Variants in SLC25A48 observed in about 807,000 individuals in gnomAD.
The protein encoded by SLC25A48 is solute carrier family 25 member 48.
Under a neutral mutation model 32.2 loss-of-function variants are expected in SLC25A48, and 29 were observed. The ratio of observed to expected loss-of-function variants is 0.90; its 90% confidence interval spans 0.67 to 1.23. The LOEUF (loss-of-function observed/expected upper bound fraction) is 1.23, where lower values mean the gene tolerates loss of function less well. Among genes scored for constraint, SLC25A48 ranks in the 50% most tolerant of loss-of-function variants. The pLI is 0.00. For missense variants in SLC25A48, 399 were observed against 422.7 expected, an observed-to-expected ratio of 0.94 and a Z score of 0.49; for synonymous variants, 164 against 172.3, an observed-to-expected ratio of 0.95 and a Z score of 0.38.
At chr5:135,760,126 C>T (rs1011127572) in intron 3 of SLC25A48, among the ~76,000 whole-genome samples, 9 of 152,258 alleles carry the variant, frequency 5.9e-5, no homozygotes, top group East Asian at 1.9e-4. Flanking sequence ...CCACCGCGCC[C>T]GGCCCCTGTT....
intron 3 of SLC25A48, among the ~76,000 whole-genome samples, chr5:135,639,044 A>G (rs1398939454): frequency 2.0e-5 from 3 of 152,254 alleles, no homozygotes; most frequent in East Asian, 1.9e-4. Flanking sequence ...CTTAAGTAGT[A>G]TTAGTCTCAT....
At chr5:135,817,494 G>A (rs1349716522) in intron 4 of SLC25A48, among the ~76,000 whole-genome samples, 2 of 152,164 alleles carry the variant, frequency 1.3e-5, no homozygotes, top group African/African-American at 4.8e-5. Context: ...GGAAAATATA[G>A]ATAAATCTTG....
intron 1 of SLC25A48, among the ~76,000 whole-genome samples, chr5:135,605,108 T>C (rs1269172438): frequency 1.3e-5 from 2 of 152,272 alleles, no homozygotes; most frequent in African/African-American, 4.8e-5. Context: ...CTAATTTTCT[T>C]TATATGTATG....
intron 1 of SLC25A48, among the ~76,000 whole-genome samples, chr5:135,626,768 G>A (rs1752449277): frequency 6.6e-6 from 1 of 152,202 alleles, no homozygotes; most frequent in South Asian, 2.1e-4. Context: ...CCATTGGAAT[G>A]TAGGGGGTGG....
chr5:135,773,423 A>G (rs990405140), intron 3 of SLC25A48, among the ~76,000 whole-genome samples: 4 of 151,156 alleles, frequency 2.6e-5, no homozygotes, highest in African/African-American at 9.7e-5. Context: ...AGAGGATGAT[A>G]TTACTCGCAA....
At chr5:135,819,919 G>C (rs1757837116) in intron 4 of SLC25A48, among the ~76,000 whole-genome samples, 1 of 151,972 alleles carries the variant, frequency 6.6e-6, no homozygotes, top group South Asian at 2.1e-4. Context: ...AAAAAGTGGT[G>C]GTAAGAATGT....
rs188486229 is a variant in SLC25A48, at chr5:135,582,975, G to A, written c.-849+3378G>A. 2.6e-5 allele frequency among the ~76,000 whole-genome samples: 4 copies of A among 152,240 alleles called. No homozygotes were observed. In the East Asian group the frequency reaches 5.8e-4, roughly 22 times the overall value. ...TTGTACATTTTCATATTTATTTGGG[G>A]GTGCATTGTGGATGATCTGTCTGTG... On this transcript the variant is annotated intron_variant, in intron 1 of 10. Transcript: ENST00000646290.
At chr5:135,871,856 A>G (rs1413196106) in intron 5 of SLC25A48, 138 bp downstream of exon 5, 2 of 1,525,810 alleles carry the variant, frequency 1.3e-6, no homozygotes, top group Admixed American at 4.0e-5. Flanking sequence ...TTTGTTAGGT[A>G]CCTACTCTGT....
At chr5:135,656,419 G>T (rs904174583) in intron 3 of SLC25A48, among the ~76,000 whole-genome samples, 1 of 152,080 alleles carries the variant, frequency 6.6e-6, no homozygotes, top group African/African-American at 2.4e-5. Flanking sequence ...CTGGGTCCTG[G>T]GTCCTGGTTC....
intron 3 of SLC25A48, among the ~76,000 whole-genome samples, chr5:135,691,069 G>A (rs1345664503): frequency 6.6e-6 from 1 of 152,128 alleles, no homozygotes; most frequent in African/African-American, 2.4e-5. Flanking sequence ...TTAAGGATTT[G>A]GCATAAGCTG....
rs145791949 is a variant in SLC25A48 at position 135,837,078 on chromosome 5, A to G, written c.46+2185A>G. Among the ~76,000 whole-genome samples the G allele has an allele frequency of 6.0e-5, 9 of 149,560 alleles. No individual in the cohort carries two copies. The East Asian group carries it at 1.8e-3, about 29-fold the overall frequency. ...ATAATCCCATTTTTTTAAATCTCAA[A>G]TCCCCTGCTTTCAGATGGGTGGGCT... On this transcript the variant is annotated intron_variant, in intron 1 of 7. Coordinates refer to ENST00000681962, the MANE Select transcript of SLC25A48 (RefSeq NM_001349336.2).
intron 3 of SLC25A48, among the ~76,000 whole-genome samples, chr5:135,807,769 T>G (rs1365407640): frequency 6.6e-6 from 1 of 150,544 alleles, no homozygotes; most frequent in Admixed American, 6.6e-5. Context: ...TTTATTAATA[T>G]CATTGTGTGT....
At chr5:135,872,770 A>C (rs1183854583) in intron 5 of SLC25A48, 3 of 152,448 alleles carry the variant, frequency 2.0e-5, no homozygotes, top group Admixed American at 6.5e-5. Flanking sequence ...ATCATGAATC[A>C]TCCTCCTCCT....
At chr5:135,644,363 C>T (rs1276408104) in intron 3 of SLC25A48, among the ~76,000 whole-genome samples, 3 of 152,026 alleles carry the variant, frequency 2.0e-5, no homozygotes, top group East Asian at 1.9e-4. Context: ...CTGACACAGA[C>T]GGTAAAAGCC....
At chr5:135,851,261 G>A (rs1580988146) in intron 3 of SLC25A48, among the ~76,000 whole-genome samples, 1 of 152,282 alleles carries the variant, frequency 6.6e-6, no homozygotes, top group African/African-American at 2.4e-5. Flanking sequence ...CACGGATGAA[G>A]TGTGTCTTGC....
At chr5:135,871,746 C>A (rs968853503) in intron 5 of SLC25A48, 28 bp downstream of exon 5, 2 of 1,611,140 alleles carry the variant, frequency 1.2e-6, no homozygotes, top group Admixed American at 1.7e-5. Flanking sequence ...TGGAGCCGCA[C>A]CCCTGTGCAG....
intron 3 of SLC25A48, among the ~76,000 whole-genome samples, chr5:135,698,419 A>G (rs1754316691): frequency 6.6e-6 from 1 of 152,222 alleles, no homozygotes; most frequent in Admixed American, 6.5e-5. Flanking sequence ...GACTCTAACA[A>G]AAGTCTTTTC....
At chr5:135,619,043 A>C (rs983638923) in intron 1 of SLC25A48, among the ~76,000 whole-genome samples, 7 of 152,088 alleles carry the variant, frequency 4.6e-5, no homozygotes, top group African/African-American at 1.4e-4. Context: ...ATCTCTGGCT[A>C]GACTTGAGAT....
intron 1 of SLC25A48, among the ~76,000 whole-genome samples, chr5:135,584,736 G>T (rs1260422501): frequency 2.0e-5 from 3 of 152,202 alleles, no homozygotes; most frequent in Non-Finnish European, 4.4e-5. Flanking sequence ...AACAATGGGG[G>T]ATTAAGAAAA....
Sources: allele counts gnomAD v4.1 joint callset (sites outside exome capture counted in the v4.1 genomes callset), GRCh38; gene constraint gnomAD v4.1.1; transcripts MANE v1.5; gene names NCBI Gene and HGNC (gene_info 2026-07-23, HGNC 2026-07-21).